The following NELL2 variants were observed in gnomAD, a reference collection of about 807,000 sequenced individuals.
NELL2 encodes neural EGFL like 2.
A neutral mutation model predicts 109.6 loss-of-function variants in NELL2; 41 were observed. The observed-to-expected ratio is 0.37, with a 90% confidence interval of 0.29 to 0.49. The LOEUF (loss-of-function observed/expected upper bound fraction) is 0.49. Among genes scored for constraint, NELL2 ranks in the 20% least tolerant of loss-of-function variants. NELL2 has a pLI of 0.98. For synonymous variants in NELL2, 355 were observed against 344.7 expected, an observed-to-expected ratio of 1.03 and a Z score of -0.33; for missense variants, 900 against 1,008.3, an observed-to-expected ratio of 0.89 and a Z score of 1.45.
intron 2 of NELL2, among the ~76,000 whole-genome samples, chr12:44,856,736 GA>G (rs1293441021): frequency 6.6e-6 from 1 of 152,172 alleles, no homozygotes; most frequent in Non-Finnish European, 1.5e-5. Context: ...GTGGGAGTGG[GA>G]GTGTGCAGGT....
chr12:44,545,315 C>T (rs1330991240), intron 15 of NELL2, among the ~76,000 whole-genome samples: 2 of 151,978 alleles, frequency 1.3e-5, no homozygotes, highest in East Asian at 3.9e-4. Context: ...GAAATAGTCC[C>T]TCAGGTCATT....
intron 12 of NELL2, among the ~76,000 whole-genome samples, chr12:44,676,019 A>G (rs1304180641): frequency 6.6e-6 from 1 of 152,140 alleles, no homozygotes; most frequent in Non-Finnish European, 1.5e-5. Flanking sequence ...CCAAAGCTAC[A>G]TTTATCTTGA....
intron 15 of NELL2, among the ~76,000 whole-genome samples, chr12:44,564,679 A>G (rs1943588667): frequency 1.3e-5 from 2 of 152,236 alleles, no homozygotes; most frequent in Admixed American, 1.3e-4. Flanking sequence ...AATACAGCTT[A>G]TTAGGAATCT....
At chr12:44,717,280 C>T (rs1592389935) in intron 9 of NELL2, among the ~76,000 whole-genome samples, 1 of 152,220 alleles carries the variant, frequency 6.6e-6, no homozygotes, top group Admixed American at 6.5e-5. Context: ...ATTAGAATGG[C>T]TCTAGGAGTT....
chr12:44,517,467 G>A (rs2138972657), intron 19 of NELL2, among the ~76,000 whole-genome samples: 1 of 149,300 alleles, frequency 6.7e-6, no homozygotes, highest in African/African-American at 2.5e-5. Flanking sequence ...AGCAGACCAT[G>A]GTACTGTTTC....
At chr12:44,573,677 T>A (rs1943958189) in intron 15 of NELL2, among the ~76,000 whole-genome samples, 2 of 152,154 alleles carry the variant, frequency 1.3e-5, no homozygotes, top group Non-Finnish European at 2.9e-5. Context: ...AATATATGGT[T>A]GGAAAGGAAA....
chr12:44,639,408 G>T (rs906089510), intron 13 of NELL2, among the ~76,000 whole-genome samples: 10 of 152,036 alleles, frequency 6.6e-5, no homozygotes, highest in Non-Finnish European at 1.3e-4. Flanking sequence ...CACTCCACCC[G>T]CAGCGCACTC....
rs748283455 is a variant in NELL2, at chr12:44,791,183, C to CATATATATATATATATAT, written c.336-11179_336-11162dup. ...CACACACACATATATAGTATTCCATCATATATATATATATATATATATATA... is the reference window on the plus strand; with the variant it reads ...CACACACACATATATAGTATTCCATCATATATATATATATATATATATATATATATATATATATATATA... On this transcript the variant is annotated intron_variant, in intron 3 of 19. Transcript: ENST00000429094. Among the ~76,000 whole-genome samples, 5 of 15,098 alleles carry CATATATATATATATATAT rather than the reference C, an allele frequency of 3.3e-4. 1 individual carries two copies. The highest frequency in any genetic ancestry group is 9.4e-4 in the African/African-American group (4 of 4,248). The allele number at this position is 15,098 out of a possible 152,430, so 9.9% of individuals were successfully genotyped here.
chr12:44,888,666 T>G (rs1006257745), intron 1 of NELL2, among the ~76,000 whole-genome samples: 4 of 151,792 alleles, frequency 2.6e-5, no homozygotes, highest in Admixed American at 2.6e-4. Context: ...TAAAATAATT[T>G]TATAGCAAAG....
At chr12:44,814,965 C>T (rs1018453296) in intron 3 of NELL2, among the ~76,000 whole-genome samples, 1 of 152,040 alleles carries the variant, frequency 6.6e-6, no homozygotes, top group African/African-American at 2.4e-5. Flanking sequence ...ATTCTTTAAT[C>T]CTCACAACAA....
intron 15 of NELL2, among the ~76,000 whole-genome samples, chr12:44,580,826 G>A (rs751175992): frequency 1.3e-5 from 2 of 152,082 alleles, no homozygotes; most frequent in Admixed American, 1.3e-4. Flanking sequence ...TATTATTTGT[G>A]AGCTGTACAT....
chr12:44,644,580 GTA>G (rs138161908), intron 13 of NELL2, among the ~76,000 whole-genome samples: 8,989 of 83,784 alleles, frequency 0.11, 512 homozygotes, highest in Non-Finnish European at 0.14. Flanking sequence ...ACAAAGTAAA[GTA>G]TATATATATA....
chr12:44,697,417 G>A (rs552637533), intron 12 of NELL2, among the ~76,000 whole-genome samples: 5 of 152,200 alleles, frequency 3.3e-5, no homozygotes, highest in African/African-American at 1.2e-4. Context: ...TACAGCTTTG[G>A]GGTATGGAGG....
At chr12:44,694,849 C>T (rs1408426101) in intron 12 of NELL2, among the ~76,000 whole-genome samples, 1 of 152,098 alleles carries the variant, frequency 6.6e-6, no homozygotes, top group Non-Finnish European at 1.5e-5. Context: ...TCTCTTGGAG[C>T]AACTTTGTGA....
intron 13 of NELL2, among the ~76,000 whole-genome samples, chr12:44,630,372 T>G (rs1239361998): frequency 6.6e-6 from 1 of 152,204 alleles, no homozygotes; most frequent in Non-Finnish European, 1.5e-5. Flanking sequence ...GTAGAGGAAC[T>G]AGAATTCAAA....
intron 9 of NELL2, among the ~76,000 whole-genome samples, chr12:44,769,660 A>G (rs1480445414): frequency 6.6e-6 from 1 of 152,186 alleles, no homozygotes; most frequent in South Asian, 2.1e-4. Flanking sequence ...AGAAACATGT[A>G]AAGAATTATT....
chr12:44,629,455 C>T (rs1592234451), intron 13 of NELL2, among the ~76,000 whole-genome samples: 1 of 151,986 alleles, frequency 6.6e-6, no homozygotes, highest in Non-Finnish European at 1.5e-5. Context: ...TTGCGGTACC[C>T]CTGCAGTAAT....
chr12:44,833,453 C>T (rs747277858), intron 2 of NELL2, among the ~76,000 whole-genome samples: 1 of 152,112 alleles, frequency 6.6e-6, no homozygotes, highest in African/African-American at 2.4e-5. Flanking sequence ...TGCCTAATTG[C>T]TTTATATGCC....
chr12:44,763,014 G>A (rs566274587), intron 9 of NELL2, among the ~76,000 whole-genome samples: 1 of 152,090 alleles, frequency 6.6e-6, no homozygotes, highest in East Asian at 1.9e-4. Flanking sequence ...TTCATTCCTA[G>A]GCACATGGAA....
Sources: allele counts gnomAD v4.1 joint callset (sites outside exome capture counted in the v4.1 genomes callset), GRCh38; gene constraint gnomAD v4.1.1; transcripts MANE v1.5; gene names NCBI Gene and HGNC (gene_info 2026-07-23, HGNC 2026-07-21).